The following SIPA1L1 variants were observed in gnomAD, a reference collection of about 807,000 sequenced individuals.
SIPA1L1 encodes the protein signal induced proliferation associated 1 like 1, also known as signal-induced proliferation-associated 1-like protein 1.
Under a neutral mutation model 162.7 loss-of-function variants are expected in SIPA1L1, and 26 were observed. The observed-to-expected ratio is 0.16, with a 90% CI of 0.12 to 0.22. SIPA1L1 has a LOEUF of 0.22. Among genes scored for constraint, SIPA1L1 ranks in the 10% least tolerant of loss-of-function variants. The pLI, the probability that SIPA1L1 is intolerant of heterozygous loss-of-function variation, is 1.00. For synonymous variants in SIPA1L1, 829 were observed against 837.4 expected, an observed-to-expected ratio of 0.99 and a Z score of 0.17; for missense variants, 1,874 against 2,241.0, an observed-to-expected ratio of 0.84 and a Z score of 3.31.
intron 2 of SIPA1L1, among the ~76,000 whole-genome samples, chr14:71,435,471 C>T (rs937932357): frequency 6.6e-6 from 1 of 152,086 alleles, no homozygotes; most frequent in African/African-American, 2.4e-5. Flanking sequence ...TGATGGTTTC[C>T]AGCTTCATCC....
intron 5 of SIPA1L1, among the ~76,000 whole-genome samples, chr14:71,596,500 T>C (rs2036046879): frequency 6.6e-6 from 1 of 152,250 alleles, no homozygotes; most frequent in Non-Finnish European, 1.5e-5. Flanking sequence ...TCCAATTTAC[T>C]ATTGTTAAGA....
chr14:71,413,607 C>T (rs1440456024), intron 2 of SIPA1L1, among the ~76,000 whole-genome samples: 1 of 152,070 alleles, frequency 6.6e-6, no homozygotes, highest in Non-Finnish European at 1.5e-5. Flanking sequence ...TGTGGTGGTG[C>T]ACACCTGTAA....
At chr14:71,705,465 G>T in intron 16 of SIPA1L1, 125 bp downstream of exon 16, 1 of 760,224 alleles carries the variant, frequency 1.3e-6, no homozygotes. Flanking sequence ...AAGAGTGGTC[G>T]TTTGCTGCCA....
At chr14:71,621,173 G>T (rs2039401719) in intron 6 of SIPA1L1, among the ~76,000 whole-genome samples, 1 of 152,160 alleles carries the variant, frequency 6.6e-6, no homozygotes. Flanking sequence ...TCTGAGAACT[G>T]TTCTCCCTGC....
intron 22 of SIPA1L1, among the ~76,000 whole-genome samples, chr14:71,736,796 C>T (rs1020827236): frequency 6.6e-6 from 1 of 152,182 alleles, no homozygotes; most frequent in African/African-American, 2.4e-5. Context: ...AAAAAATCAG[C>T]AGATGAGGGT....
rs58919631 is a variant in SIPA1L1 at position 71,678,095 on chromosome 14, A to G, written c.3104+5473A>G. On this transcript the variant is annotated intron_variant, in intron 12 of 23. Coordinates refer to ENST00000381232, the MANE Select transcript of SIPA1L1 (RefSeq NM_001386936.1). Reference sequence around the variant, plus strand: ...ATCATGTCATCTGCAAACAGGGACAATTTGACTTCCTCTTTTCCTAATTGA... The same window carrying G: ...ATCATGTCATCTGCAAACAGGGACAGTTTGACTTCCTCTTTTCCTAATTGA... Among the ~76,000 whole-genome samples the G allele has an allele frequency of 5.2e-3, 798 of 152,264 alleles. 9 individuals carry two copies. Among genetic ancestry groups the G allele is most frequent in the African/African-American group, 0.019 (770 of 41,528 alleles).
At chr14:71,460,066 C>G (rs2046478816) in intron 2 of SIPA1L1, among the ~76,000 whole-genome samples, 1 of 152,110 alleles carries the variant, frequency 6.6e-6, no homozygotes. Flanking sequence ...AATCTTATGT[C>G]TCATGATAAA....
chr14:71,529,004 A>G (rs1266749844), intron 3 of SIPA1L1, among the ~76,000 whole-genome samples: 1 of 151,744 alleles, frequency 6.6e-6, no homozygotes, highest in African/African-American at 2.4e-5. Flanking sequence ...CTCAGCTACT[A>G]GGGAGGTTGA....
Position 71,618,843 on chromosome 14 carries a change from A to G in SIPA1L1, c.1585A>G (p.Asn529Asp), listed in dbSNP as rs1212799090. 3 of 1,614,084 alleles carry G rather than the reference A, an allele frequency of 1.9e-6. No individual in the cohort carries two copies. The highest frequency in any genetic ancestry group is 1.7e-5 in the Admixed American group (1 of 60,030). ...RREKPDEMKE[N>D]GSPYNYRIIF... ...GGAAAAACCAGATGAAATGAAAGAA[A>G]ATGGATCTCCGTACAACTACCGAAT... Residue 529 changes from asparagine (N) to aspartate (D), a missense_variant, in exon 6 of 24, where the codon AAT becomes GAT. Physicochemically the swap from Asn to Asp is conservative, Grantham distance 23 (BLOSUM62 1). Coordinates refer to ENST00000381232, the MANE Select transcript of SIPA1L1 (RefSeq NM_001386936.1).
intron 2 of SIPA1L1, among the ~76,000 whole-genome samples, chr14:71,357,008 A>G (rs1053836347): frequency 6.6e-6 from 1 of 152,176 alleles, no homozygotes; most frequent in Non-Finnish European, 1.5e-5. Context: ...TATGAATCTG[A>G]TGGTGGGTTA....
intron 7 of SIPA1L1, among the ~76,000 whole-genome samples, chr14:71,634,331 G>T (rs2040894535): frequency 6.7e-6 from 1 of 149,862 alleles, no homozygotes; most frequent in South Asian, 2.1e-4. Flanking sequence ...GAACCCAGGA[G>T]ACGGAGGTTG....
intron 6 of SIPA1L1, among the ~76,000 whole-genome samples, chr14:71,621,331 C>G (rs2039423290): frequency 3.9e-5 from 6 of 152,176 alleles, no homozygotes; most frequent in Admixed American, 3.9e-4. Flanking sequence ...CCTAGGAGAC[C>G]ATGCTCTTCT....
At chr14:71,330,167 C>G (rs954914349) in intron 2 of SIPA1L1, among the ~76,000 whole-genome samples, 8 of 152,184 alleles carry the variant, frequency 5.3e-5, no homozygotes, top group African/African-American at 1.9e-4. Context: ...GCCTAGAAAA[C>G]TAGGGAACTA....
chr14:71,556,828 A>G (rs1470505370), intron 4 of SIPA1L1, among the ~76,000 whole-genome samples: 2 of 152,244 alleles, frequency 1.3e-5, no homozygotes, highest in East Asian at 1.9e-4. Context: ...CAAAAAGCAC[A>G]TTATCTAAAT....
chr14:71,519,056 C>T (rs776412095), intron 3 of SIPA1L1, among the ~76,000 whole-genome samples: 26 of 152,112 alleles, frequency 1.7e-4, no homozygotes, highest in Admixed American at 4.6e-4. Flanking sequence ...TCCCACAACA[C>T]GTGGAATTCT....
rs1311589422 is a variant in SIPA1L1, at chr14:71,740,988, C to G, written c.*1827C>G. On this transcript the variant is annotated 3_prime_UTR_variant, in exon 24 of 24. Transcript: ENST00000381232. ...GCAACAGAGTTCTTGTTTGAAGCCT[C>G]TAAAGACTACCTGTAAAATTCAAAG... The G allele has an allele frequency of 6.6e-6, 1 of 152,190 alleles. No individual in the cohort carries two copies. The highest frequency in any genetic ancestry group is 1.5e-5 in the Non-Finnish European group (1 of 68,040). 9.4% of individuals were successfully genotyped at this position (152,190 alleles called of 1,614,324 possible). A position where few individuals can be genotyped will look rare whatever the true frequency, so the allele number is the denominator to read the frequency against.
intron 10 of SIPA1L1, among the ~76,000 whole-genome samples, chr14:71,669,452 A>G (rs1277510023): frequency 6.6e-6 from 1 of 152,238 alleles, no homozygotes; most frequent in East Asian, 1.9e-4. Context: ...GAAATAGCAG[A>G]TGAGAAGTTG....
intron 2 of SIPA1L1, among the ~76,000 whole-genome samples, chr14:71,357,017 T>C (rs2037341548): frequency 6.6e-6 from 1 of 152,154 alleles, no homozygotes; most frequent in Non-Finnish European, 1.5e-5. Context: ...GATGGTGGGT[T>C]AGCAGAATTA....
intron 14 of SIPA1L1, 200 bp from the exon 15 acceptor site, chr14:71,702,181 G>A: frequency 1.9e-6 from 1 of 532,144 alleles, no homozygotes; most frequent in Non-Finnish European, 3.4e-6. Context: ...ACCTTTTTGA[G>A]CAGAGTGGTG....
Sources: allele counts gnomAD v4.1 joint callset (sites outside exome capture counted in the v4.1 genomes callset), GRCh38; gene constraint gnomAD v4.1.1; transcripts MANE v1.5; gene names NCBI Gene and HGNC (gene_info 2026-07-23, HGNC 2026-07-21).